The following SEMA4F variants were observed in gnomAD, a reference collection of about 807,000 sequenced individuals.
SEMA4F encodes semaphorin-4F.
SEMA4F carries 51 observed loss-of-function variants against 78.4 expected under a neutral mutation model. The ratio of observed to expected loss-of-function variants is 0.65; its 90% CI spans 0.52 to 0.82. The LOEUF is 0.82. SEMA4F is among the 40% of genes least tolerant of loss of function. The probability of loss-of-function intolerance (pLI) is 0.00; values close to 1 mark genes in which losing one functional copy is unlikely to be tolerated. For missense variants in SEMA4F, 938 were observed against 1,014.4 expected (o/e 0.92, Z 1.02); for synonymous variants, 418 against 408.7 (o/e 1.02, Z -0.27).
At chr2:74,668,929 C>CAAAAAAAAAA (rs1308342967) in intron 5 of SEMA4F, among the ~76,000 whole-genome samples, 2 of 55,664 alleles carry the variant, frequency 3.6e-5, no homozygotes, top group African/African-American at 1.4e-4. Context: ...CAAGCGTGGC[C>CAAAAAAAAAA]AAAAAAAAAA....
Position 74,657,585 on chromosome 2 carries a change from G to A in SEMA4F, c.318G>A (p.Glu106=). ...CTCAGATTGACTGGATGGTTCCTGA[G>A]GCTCACAGACAGAACTGTAGGAAGA... ...RPRRIDWMVP[E]AHRQNCRKKG... The change falls in exon 3 of 14, where the codon GAG becomes GAA. Residue 106 remains glutamate, a synonymous_variant. Coordinates refer to ENST00000357877, the MANE Select transcript of SEMA4F (RefSeq NM_004263.5). The A allele has an allele frequency of 6.8e-6, 11 of 1,614,168 alleles. No homozygotes were observed. Among genetic ancestry groups the A allele is most frequent in the Non-Finnish European group, 9.3e-6 (11 of 1,180,014 alleles).
Position 74,673,499 on chromosome 2 carries a change from C to A in SEMA4F, c.593C>A (p.Thr198Lys). The change falls in exon 6 of 14, where the codon ACG becomes AAG. Residue 198 changes from threonine to lysine, a missense_variant. Physicochemically the swap from Thr to Lys is moderately conservative, Grantham distance 78. Transcript: ENST00000357877. ...GCCACTGTGAAAAACTACCTGGGGA[C>A]GGAGCCAATTATCACCAGAGCAGTG... ...YAATVKNYLG[T>K]EPIITRAVGR... 6.2e-7 allele frequency: 1 copy of A among 1,614,134 alleles called. No homozygotes were observed. Among genetic ancestry groups the A allele is most frequent in the African/African-American group, 1.3e-5 (1 of 75,006 alleles).
chr2:74,662,763 T>C lies in SEMA4F; in HGVS notation c.488T>C (p.Leu163Pro). The C allele has an allele frequency of 6.2e-7, 1 of 1,614,160 alleles. No homozygotes were observed. Among genetic ancestry groups the C allele is most frequent in the Non-Finnish European group, 8.5e-7 (1 of 1,180,008 alleles). ...TCCAGGTTCCAGCAGGTTGAAAGAC[T>C]TGAGAGTGGCCGGGGGAAATGTCCT... ...DVSRFQQVER[L>P]ESGRGKCPFE... Residue 163 changes from leucine to proline, a missense_variant, in exon 5 of 14, where the codon CTT becomes CCT. Physicochemically the swap from Leu to Pro is moderately conservative, Grantham distance 98 (BLOSUM62 -3). Transcript: ENST00000357877.
intron 5 of SEMA4F, among the ~76,000 whole-genome samples, chr2:74,671,102 T>C (rs1046117676): frequency 6.6e-6 from 1 of 152,070 alleles, no homozygotes; most frequent in African/African-American, 2.4e-5. Context: ...CCCAAGATCA[T>C]AGTACTAATA....
At chr2:74,688,774 C>G (rs1488598761), downstream of SEMA4F, among the ~76,000 whole-genome samples, 3 of 152,056 alleles carry the variant, frequency 2.0e-5, no homozygotes, top group Non-Finnish European at 4.4e-5. Flanking sequence ...AGGAATTATT[C>G]CAACGGAGTA....
intron 4 of SEMA4F, among the ~76,000 whole-genome samples, chr2:74,661,858 T>A (rs141431041): frequency 0.011 from 1,714 of 152,316 alleles, 26 homozygotes; most frequent in South Asian, 0.022. Flanking sequence ...CCACGCCAGT[T>A]TGTGAACTAA....
chr2:74,696,110 T>C, the SEMA4F span, among the ~76,000 whole-genome samples: 3 of 152,218 alleles, frequency 2.0e-5, no homozygotes, highest in Admixed American at 2.0e-4. Context: ...TAATTTCTTT[T>C]TTGCAAAGTT....
chr2:74,661,259 G>A (rs779895213), intron 4 of SEMA4F, among the ~76,000 whole-genome samples: 1 of 152,192 alleles, frequency 6.6e-6, no homozygotes, highest in Non-Finnish European at 1.5e-5. Flanking sequence ...ATAGAACAAA[G>A]GTCATTTTGA....
In SEMA4F at chr2:74,658,873, G is replaced by T. The variant is rs1434349116; in HGVS notation, c.456+922G>T. On this transcript the variant is annotated intron_variant, in intron 4 of 13. Coordinates refer to ENST00000357877, the MANE Select transcript of SEMA4F (RefSeq NM_004263.5). The surrounding 1 kb of genome is among the most constrained non-coding windows in gnomAD (Gnocchi z 4.3). ...GACCTCATCCTTAACTGTAGATCTT[G>T]TCTTGACTCTTCTGCAGTCCTCAGT... is the stretch of plus-strand genomic sequence containing the variant. Among the ~76,000 whole-genome samples, 2 of 152,164 alleles carry T rather than the reference G, an allele frequency of 1.3e-5. No individual in the cohort carries two copies. Among genetic ancestry groups the T allele is most frequent in the African/African-American group, 4.8e-5 (2 of 41,442 alleles).
chr2:74,688,301 C>T (rs758303867), downstream of SEMA4F, among the ~76,000 whole-genome samples: 2 of 152,178 alleles, frequency 1.3e-5, no homozygotes, highest in Non-Finnish European at 2.9e-5. Flanking sequence ...CTCCTTCACT[C>T]ATTGTTCATT....
chr2:74,687,995 T>A (rs1225372909), downstream of SEMA4F, among the ~76,000 whole-genome samples: 1 of 152,138 alleles, frequency 6.6e-6, no homozygotes, highest in East Asian at 1.9e-4. Context: ...TAAAATATAA[T>A]CATCTACTAG....
chr2:74,673,878 C>G lies in SEMA4F; in HGVS notation c.822+50C>G, dbSNP rs1029861120. The stretch of plus-strand genomic sequence containing the variant: ...TCTGTCATCTCCTGCTCTGTCTGTC[C>G]CCCGTCTTATCTTTTCCTCTTTGGG... On this transcript the variant is annotated intron_variant, in intron 7 of 13. Coordinates refer to ENST00000357877, the MANE Select transcript of SEMA4F (RefSeq NM_004263.5). The G allele has an allele frequency of 2.5e-6, 4 of 1,572,664 alleles. No homozygotes were observed. In the African/African-American group the frequency reaches 4.1e-5, roughly 16 times the overall value.
At chr2:74,655,072 C>G (rs545438343) in intron 1 of SEMA4F, among the ~76,000 whole-genome samples, 2 of 152,312 alleles carry the variant, frequency 1.3e-5, no homozygotes, top group African/African-American at 4.8e-5. Context: ...ATCATCCGAG[C>G]CTCTTGGCCC....
intron 5 of SEMA4F, among the ~76,000 whole-genome samples, chr2:74,665,495 C>T (rs1684647866): frequency 6.6e-6 from 1 of 151,986 alleles, no homozygotes; most frequent in Admixed American, 6.5e-5. Flanking sequence ...TCTCAAGGTG[C>T]TGGGATTACA....
At chr2:74,693,863 A>G in the SEMA4F span, among the ~76,000 whole-genome samples, 1 of 151,918 alleles carries the variant, frequency 6.6e-6, no homozygotes, top group South Asian at 2.1e-4. Context: ...ACCAGTTCCC[A>G]GTAGTGATAG....
the SEMA4F span, among the ~76,000 whole-genome samples, chr2:74,694,553 C>T: frequency 2.0e-5 from 3 of 152,182 alleles, no homozygotes; most frequent in Non-Finnish European, 2.9e-5. Context: ...TTTCCCCCAG[C>T]GTTCCTATTC....
At chr2:74,705,016 G>A in the SEMA4F span, among the ~76,000 whole-genome samples, 1 of 152,234 alleles carries the variant, frequency 6.6e-6, no homozygotes, top group Non-Finnish European at 1.5e-5. Context: ...AGAAGGGAAA[G>A]CTTGCAAATG....
intron 4 of SEMA4F, among the ~76,000 whole-genome samples, chr2:74,662,524 G>A (rs1271051113): frequency 6.6e-6 from 1 of 152,166 alleles, no homozygotes; most frequent in Non-Finnish European, 1.5e-5. Flanking sequence ...ATAAACTGAT[G>A]AACAAAGGAT....
rs1001274270 is a variant in SEMA4F, at chr2:74,682,089, A to G, written c.*1880A>G. 1 of 152,218 alleles carries G rather than the reference A, an allele frequency of 6.6e-6. No individual in the cohort carries two copies. The highest frequency in any genetic ancestry group is 2.4e-5 in the African/African-American group (1 of 41,448). 9.4% of individuals were successfully genotyped at this position (152,218 alleles called of 1,614,324 possible). A position where few individuals can be genotyped will look rare whatever the true frequency, so the allele number is the denominator to read the frequency against. ...TTGTTATTGCAAAAATGGGCTTACTATCCATAACCATATAGCTTAACTATA... is the reference window on the plus strand; with the variant it reads ...TTGTTATTGCAAAAATGGGCTTACTGTCCATAACCATATAGCTTAACTATA... On this transcript the variant is annotated 3_prime_UTR_variant, in exon 14 of 14. Coordinates refer to ENST00000357877, the MANE Select transcript of SEMA4F (RefSeq NM_004263.5).
Sources: gnomAD v4.1 joint callset for allele counts (sites outside exome capture counted in the v4.1 genomes callset) on GRCh38, gnomAD v4.1.1 for gene constraint, Gnocchi (gnomAD v3.1) non-coding constraint, MANE v1.5 for transcripts, NCBI Gene and HGNC (gene_info 2026-07-23, HGNC 2026-07-21) for gene names.